The following A4GALT variants were observed in gnomAD, a reference collection of about 807,000 sequenced individuals.
A4GALT encodes the protein lactosylceramide 4-alpha-galactosyltransferase.
For missense variants in A4GALT, 512 were observed against 486.0 expected (o/e 1.05, Z -0.50); for synonymous variants, 257 against 220.7 (o/e 1.16, Z -1.46).
chr22:42,702,483 C>T (rs1324370285), intron 1 of A4GALT, among the ~76,000 whole-genome samples: 1 of 152,124 alleles, frequency 6.6e-6, no homozygotes, highest in African/African-American at 2.4e-5. Flanking sequence ...TACAGGAGTG[C>T]GCCACCATGT....
chr22:42,693,854 A>G lies in A4GALT; in HGVS notation c.98T>C (p.Phe33Ser), dbSNP rs1482183593. ...GTGCCAGTAGATCATGATGGAGACG[A>G]AAAACGTGAACTTGAAGCCGATGAT... ...LFIIGFKFTF[F>S]VSIMIYWHVV... Residue 33 changes from phenylalanine (F) to serine (S), a missense_variant, in exon 3 of 3, where the codon TTC becomes TCC. By Grantham distance (155) the Phe-to-Ser change is radical. Transcript: ENST00000642412. 1 of 1,610,438 alleles carries G rather than the reference A, an allele frequency of 6.2e-7. No individual in the cohort carries two copies. The highest frequency in any genetic ancestry group is 8.5e-7 in the Non-Finnish European group (1 of 1,178,864).
rs1045772408 is a variant in A4GALT at position 42,693,944 on chromosome 22, T to C, written c.8A>G (p.Lys3Arg). 1 of 1,582,776 alleles carries C rather than the reference T, an allele frequency of 6.3e-7. No individual in the cohort carries two copies. Among genetic ancestry groups the C allele is most frequent in the Non-Finnish European group, 8.6e-7 (1 of 1,164,844 alleles). Residue 3 changes from lysine to arginine, a missense_variant, in exon 3 of 3, where the codon AAG becomes AGG. Lys to Arg is a conservative substitution (Grantham distance 26). Coordinates refer to ENST00000642412, the MANE Select transcript of A4GALT (RefSeq NM_017436.7). ...CAGCCGCAGCAGGAGGTCGGGGGGC[T>C]TGGACATGGTATCCCCAGATCAGAC... The part of the protein sequence containing the change: MS[K>R]PPDLLLRLLR...
At chr22:42,715,391 G>A (rs192672630) in intron 1 of A4GALT, among the ~76,000 whole-genome samples, 9 of 152,142 alleles carry the variant, frequency 5.9e-5, no homozygotes, top group African/African-American at 1.7e-4. Flanking sequence ...ACTTCTATAG[G>A]ATTGGTTCCT....
rs1569051468 is a variant in A4GALT at position 42,704,879 on chromosome 22, C to CCG, written c.-187-9249_-187-9248insCG. Among the ~76,000 whole-genome samples, 594 of 95,986 alleles carry CCG rather than the reference C, an allele frequency of 6.2e-3. 12 individuals carry two copies. Among genetic ancestry groups the CCG allele is most frequent in the South Asian group, 0.017 (40 of 2,414 alleles). The allele number at this position is 95,986 out of a possible 152,430, so 63.0% of individuals were successfully genotyped here. On this transcript the variant is annotated intron_variant, in intron 1 of 2. Transcript: ENST00000642412. ...CAGCAGACATGGCAATGGGGGGGGGCGGGGGGGGGCGGCGGAGGCGGGGGA... is the reference window on the plus strand; with the variant it reads ...CAGCAGACATGGCAATGGGGGGGGGCCGGGGGGGGGGCGGCGGAGGCGGGGGA...
Position 42,713,810 on chromosome 22 carries a change from C to CA in A4GALT, c.-188+6986dup, listed in dbSNP as rs35353035. Among the ~76,000 whole-genome samples the CA allele has an allele frequency of 3.7e-3, 344 of 93,116 alleles. 2 individuals are homozygous for CA. The highest frequency in any genetic ancestry group is 4.5e-3 in the Non-Finnish European group (203 of 45,196). The allele number at this position is 93,116 out of a possible 152,430, so 61.1% of individuals were successfully genotyped here. On this transcript the variant is annotated intron_variant, in intron 1 of 2. Coordinates refer to ENST00000642412, the MANE Select transcript of A4GALT (RefSeq NM_017436.7). ...CTGGGCAACAAGAGCGAAACTCTGTCAAAAAAAAAAAAAAAAAAAAGACAG... is the reference window on the plus strand; with the variant it reads ...CTGGGCAACAAGAGCGAAACTCTGTCAAAAAAAAAAAAAAAAAAAAAGACAG...
chr22:42,700,490 A>G (rs116469228), intron 1 of A4GALT, among the ~76,000 whole-genome samples: 1,587 of 152,304 alleles, frequency 0.01, 26 homozygotes, highest in African/African-American at 0.036. Flanking sequence ...GGTGGGGCGC[A>G]TCAGTGACCA....
intron 1 of A4GALT, among the ~76,000 whole-genome samples, chr22:42,704,072 A>C (rs554813230): frequency 1.3e-5 from 2 of 152,252 alleles, no homozygotes; most frequent in South Asian, 4.2e-4. Context: ...TGCTTGGAGG[A>C]CCAAGTGTCC....
chr22:42,694,088 G>T, intron 2 of A4GALT, 91 bp from the exon 3 acceptor site: 1 of 840,578 alleles, frequency 1.2e-6, no homozygotes, highest in Non-Finnish European at 1.9e-6. Flanking sequence ...CCAGAGCCAA[G>T]GCTGGCTTCC....
chr22:42,698,272 G>A (rs1473938274), intron 1 of A4GALT, among the ~76,000 whole-genome samples: 3 of 151,350 alleles, frequency 2.0e-5, no homozygotes, highest in Non-Finnish European at 4.4e-5. Flanking sequence ...AAATCGAGAG[G>A]TGCAGGGCAA....
At chr22:42,707,575 T>C (rs938003795) in intron 1 of A4GALT, among the ~76,000 whole-genome samples, 1 of 152,012 alleles carries the variant, frequency 6.6e-6, no homozygotes, top group African/African-American at 2.4e-5. Flanking sequence ...CGAGAATTGC[T>C]TGAATGGGAG....
At chr22:42,704,190 G>T (rs184788788) in intron 1 of A4GALT, among the ~76,000 whole-genome samples, 132 of 152,132 alleles carry the variant, frequency 8.7e-4, no homozygotes, top group South Asian at 2.9e-3. Flanking sequence ...GGTATAAGAA[G>T]GACTGTTTGT....
At chr22:42,712,597 G>C (rs1472438089) in intron 1 of A4GALT, among the ~76,000 whole-genome samples, 1 of 152,178 alleles carries the variant, frequency 6.6e-6, no homozygotes, top group East Asian at 1.9e-4. Flanking sequence ...CTGTTTTACT[G>C]TCTTAAAGAT....
chr22:42,703,257 TTG>T (rs1275751657), intron 1 of A4GALT, among the ~76,000 whole-genome samples: 10 of 107,548 alleles, frequency 9.3e-5, no homozygotes, highest in African/African-American at 2.2e-4. Flanking sequence ...TTGTTTGTTT[TTG>T]TTTTTTTTTT....
At position 42,701,129 on chromosome 22, in the gene A4GALT, C is replaced by T. The variant is rs1601999159; in HGVS notation, c.-187-5498G>A. On this transcript the variant is annotated intron_variant, in intron 1 of 2. Coordinates refer to ENST00000642412, the MANE Select transcript of A4GALT (RefSeq NM_017436.7). ...CAGGGACCAAGGTGGGCTTCACCCC[C>T]AGGGTCTCCCAGCTCGTTGCCTCAC... Among the ~76,000 whole-genome samples, 5 of 152,340 alleles carry T rather than the reference C, an allele frequency of 3.3e-5. No homozygotes were observed. In the South Asian group the frequency reaches 8.3e-4, roughly 25 times the overall value.
intron 1 of A4GALT, among the ~76,000 whole-genome samples, chr22:42,701,882 A>G (rs1292066697): frequency 6.6e-6 from 1 of 152,158 alleles, no homozygotes; most frequent in Non-Finnish European, 1.5e-5. Flanking sequence ...AAGGAGACAG[A>G]GACCCACGTG....
At chr22:42,709,775 G>C (rs1921516826) in intron 1 of A4GALT, among the ~76,000 whole-genome samples, 1 of 152,106 alleles carries the variant, frequency 6.6e-6, no homozygotes, top group African/African-American at 2.4e-5. Flanking sequence ...GGGTGGCACA[G>C]TGAGACTCTG....
intron 1 of A4GALT, among the ~76,000 whole-genome samples, chr22:42,702,428 G>A (rs764153637): frequency 2.0e-5 from 3 of 149,302 alleles, no homozygotes; most frequent in Admixed American, 6.9e-5. Flanking sequence ...GCCAACTTCC[G>A]CCGCCCGGGT....
chr22:42,714,306 A>AAAAAAC (rs1569067753), intron 1 of A4GALT, among the ~76,000 whole-genome samples: 10 of 145,542 alleles, frequency 6.9e-5, no homozygotes, highest in African/African-American at 2.7e-4. Context: ...AAAAAAAAAA[A>AAAAAAC]GGCAGGAATG....
In A4GALT at chr22:42,705,608, AAAAAG is replaced by A. The variant is rs1284659787; in HGVS notation, c.-187-9982_-187-9978del. ...ACAGAGATTCTGTCTCAAAAAAAAA[AAAAAG>A]AAAAAGAAAAAGAAAAAGAAGAAAA... On this transcript the variant is annotated intron_variant, in intron 1 of 2. Transcript: ENST00000642412. 1.2e-4 allele frequency among the ~76,000 whole-genome samples: 15 copies of A among 123,478 alleles called. 3 individuals are homozygous for A. In the East Asian group the frequency reaches 1.3e-3, roughly 11 times the overall value. 81.0% of individuals were successfully genotyped at this position (123,478 alleles called of 152,430 possible). A position where few individuals can be genotyped will look rare whatever the true frequency, so the allele number is the denominator to read the frequency against.
Sources: gnomAD v4.1 joint callset for allele counts (sites outside exome capture counted in the v4.1 genomes callset) on GRCh38, gnomAD v4.1.1 for gene constraint, MANE v1.5 for transcripts, NCBI Gene and HGNC (gene_info 2026-07-23, HGNC 2026-07-21) for gene names.